ASB3: variants seen among roughly 807,000 people sequenced by gnomAD.
ASB3 encodes ankyrin repeat and SOCS box containing 3, also known as ankyrin repeat and SOCS box protein 3.
A neutral mutation model predicts 54.5 loss-of-function variants in ASB3; 41 were observed. The observed-to-expected ratio is 0.75, with a 90% CI of 0.59 to 0.98. The LOEUF (loss-of-function observed/expected upper bound fraction) is 0.98. Among genes scored for constraint, ASB3 ranks in the 50% least tolerant of loss-of-function variants. ASB3 has a pLI of 0.00. For missense variants in ASB3, 733 were observed against 620.0 expected, an observed-to-expected ratio of 1.18 and a Z score of -1.94; for synonymous variants, 266 against 221.2, an observed-to-expected ratio of 1.20 and a Z score of -1.80.
At chr2:53,721,855 G>C (rs903936033) in intron 5 of ASB3, among the ~76,000 whole-genome samples, 2 of 152,020 alleles carry the variant, frequency 1.3e-5, no homozygotes, top group Admixed American at 1.3e-4. Flanking sequence ...GAGTGGAACT[G>C]AATGAAATTG....
At chr2:53,688,253 G>T (rs545279307) in intron 9 of ASB3, among the ~76,000 whole-genome samples, 3 of 152,214 alleles carry the variant, frequency 2.0e-5, no homozygotes, top group African/African-American at 7.2e-5. Context: ...TACAACACAG[G>T]TTTACTTCTT....
chr2:53,729,739 T>C (rs1469359968), intron 3 of ASB3, among the ~76,000 whole-genome samples, 169 bp from the exon 4 acceptor site: 1 of 152,188 alleles, frequency 6.6e-6, no homozygotes, highest in African/African-American at 2.4e-5. Context: ...ATATATCTAA[T>C]TGTTTCTGAA....
chr2:53,705,194 ATTTT>A (rs1477254557), intron 7 of ASB3, among the ~76,000 whole-genome samples: 3 of 152,198 alleles, frequency 2.0e-5, no homozygotes, highest in Non-Finnish European at 2.9e-5. Context: ...TTTTGACTTT[ATTTT>A]TAAAGGCTAA....
At chr2:53,755,510 C>T (rs1558561917) in intron 2 of ASB3, among the ~76,000 whole-genome samples, 1 of 151,878 alleles carries the variant, frequency 6.6e-6, no homozygotes, top group East Asian at 1.9e-4. Context: ...AATTTGATGA[C>T]AAATTTACTA....
intron 2 of ASB3, among the ~76,000 whole-genome samples, chr2:53,755,384 T>C (rs184201262): frequency 2.1e-3 from 319 of 152,352 alleles, no homozygotes; most frequent in Non-Finnish European, 3.5e-3. Flanking sequence ...TAATGGGTGA[T>C]AGACCGTTCT....
intron 8 of ASB3, among the ~76,000 whole-genome samples, chr2:53,698,098 G>A (rs1408685978): frequency 6.6e-6 from 1 of 152,150 alleles, no homozygotes; most frequent in African/African-American, 2.4e-5. Context: ...TCTTGCCTGA[G>A]CCCCCAGACT....
rs950311054 is a variant in ASB3 at position 53,714,332 on chromosome 2, T to C, written c.980+52A>G. 8 of 1,593,542 alleles carry C rather than the reference T, an allele frequency of 5.0e-6. No individual in the cohort carries two copies. In the African/African-American group the frequency reaches 1.1e-4, roughly 22 times the overall value. On this transcript the variant is annotated intron_variant, in intron 7 of 9. Coordinates refer to ENST00000263634, the MANE Select transcript of ASB3 (RefSeq NM_016115.5). ...TGAAAGAAAGTCACTTCAAAACACA[T>C]CTCCATACAGCAAAAAAGAATAAAA...
chr2:53,750,799 C>A lies in ASB3; in HGVS notation c.339G>T (p.Thr113=). Residue 113 remains threonine, a synonymous_variant, in exon 3 of 10, where the codon ACG becomes ACT. Transcript: ENST00000263634. ...CATACTTACCTAAAAACAATGGTGT[C>A]GTTTCTTCTAAAGTAGTTGCATTAG... is the stretch of plus-strand genomic sequence containing the variant. The part of the protein sequence containing the change: ...ADPNATTLEE[T]TPLFLAVENG... The A allele has an allele frequency of 6.4e-7, 1 of 1,566,028 alleles. No homozygotes were observed. Among genetic ancestry groups the A allele is most frequent in the South Asian group, 1.2e-5 (1 of 80,256 alleles).
intron 3 of ASB3, among the ~76,000 whole-genome samples, chr2:53,730,238 T>A (rs74584230): frequency 5.3e-5 from 8 of 152,264 alleles, no homozygotes; most frequent in Admixed American, 2.0e-4. Context: ...AATGCCAGAA[T>A]AGAATTACAA....
At chr2:53,714,678 G>A in intron 6 of ASB3, 97 bp from the exon 7 acceptor site, 3 of 1,236,672 alleles carry the variant, frequency 2.4e-6, no homozygotes, top group Non-Finnish European at 3.4e-6. Context: ...ATTACCAACT[G>A]ATTCATTTAA....
intron 8 of ASB3, among the ~76,000 whole-genome samples, 153 bp downstream of exon 8, chr2:53,700,118 A>AT (rs1669404838): frequency 6.6e-6 from 1 of 152,080 alleles, no homozygotes; most frequent in African/African-American, 2.4e-5. Context: ...ATTCAATCTC[A>AT]TTATTAGCAG....
At chr2:53,686,295 G>C (rs559955383) in intron 9 of ASB3, among the ~76,000 whole-genome samples, 1 of 152,240 alleles carries the variant, frequency 6.6e-6, no homozygotes, top group Admixed American at 6.5e-5. Context: ...ACAAATCATA[G>C]AGAAAATAAA....
At chr2:53,764,863 T>A (rs950714492) in intron 2 of ASB3, among the ~76,000 whole-genome samples, 1 of 152,254 alleles carries the variant, frequency 6.6e-6, no homozygotes, top group African/African-American at 2.4e-5. Flanking sequence ...CTTTTTAAAT[T>A]ATCTTGTTTA....
At chr2:53,706,516 G>T (rs191818416) in intron 7 of ASB3, among the ~76,000 whole-genome samples, 32 of 152,030 alleles carry the variant, frequency 2.1e-4, no homozygotes, top group African/African-American at 6.3e-4. Flanking sequence ...CGTGATCTTG[G>T]CTCACTGCAA....
At chr2:53,721,034 G>T (rs1670675066) in intron 5 of ASB3, among the ~76,000 whole-genome samples, 1 of 151,634 alleles carries the variant, frequency 6.6e-6, no homozygotes, top group African/African-American at 2.4e-5. Context: ...CAGGAGAATT[G>T]CTTGAACCAG....
intron 2 of ASB3, among the ~76,000 whole-genome samples, chr2:53,758,842 C>A (rs1672982812): frequency 6.6e-6 from 1 of 152,044 alleles, no homozygotes; most frequent in Non-Finnish European, 1.5e-5. Context: ...GACATGTTCC[C>A]CACAAGGCAA....
chr2:53,722,779 G>A (rs1003889029), intron 5 of ASB3, among the ~76,000 whole-genome samples: 7 of 152,098 alleles, frequency 4.6e-5, no homozygotes, highest in Non-Finnish European at 7.4e-5. Flanking sequence ...AGAAATGGAA[G>A]AAGACAAGGA....
At chr2:53,672,397 G>C (rs1002757110) in intron 9 of ASB3, among the ~76,000 whole-genome samples, 3 of 152,156 alleles carry the variant, frequency 2.0e-5, no homozygotes, top group African/African-American at 7.2e-5. Flanking sequence ...TCACATGAAA[G>C]ATGGGAAGAC....
intron 1 of ASB3, among the ~76,000 whole-genome samples, chr2:53,780,334 A>G (rs1174570825): frequency 6.6e-6 from 1 of 152,180 alleles, no homozygotes; most frequent in Non-Finnish European, 1.5e-5. Flanking sequence ...CCTAGCTCAA[A>G]TGAGCGAACT....
Sources: allele counts gnomAD v4.1 joint callset (sites outside exome capture counted in the v4.1 genomes callset), GRCh38; gene constraint gnomAD v4.1.1; transcripts MANE v1.5; gene names NCBI Gene and HGNC (gene_info 2026-07-23, HGNC 2026-07-21).